The following SH3RF3 variants were observed in gnomAD, a reference collection of about 807,000 sequenced individuals.
SH3RF3 encodes SH3 domain containing ring finger 3, also known as E3 ubiquitin-protein ligase SH3RF3.
SH3RF3 carries 29 observed loss-of-function variants against 66.3 expected under a neutral mutation model. That is an observed-to-expected ratio of 0.44 (90% confidence interval 0.33 to 0.60). The LOEUF (loss-of-function observed/expected upper bound fraction) is 0.60, where lower values mean the gene tolerates loss of function less well. Ranked by LOEUF, SH3RF3 falls within the 20% of genes least tolerant of loss-of-function variation. SH3RF3 has a pLI of 0.04. For missense variants in SH3RF3, 1,194 were observed against 1,190.9 expected (o/e 1.00, Z -0.04); for synonymous variants, 583 against 532.0 (o/e 1.10, Z -1.32).
At chr2:109,491,103 A>C (rs749941301) in intron 9 of SH3RF3, among the ~76,000 whole-genome samples, 167 bp downstream of exon 9, 1 of 152,208 alleles carries the variant, frequency 6.6e-6, no homozygotes, top group Non-Finnish European at 1.5e-5. Context: ...TGAGTGCTGG[A>C]TGAAACGAGT....
intron 1 of SH3RF3, among the ~76,000 whole-genome samples, chr2:109,136,380 T>C (rs1343498444): frequency 1.3e-5 from 2 of 152,116 alleles, no homozygotes; most frequent in Non-Finnish European, 2.9e-5. Context: ...GGGTATCCTA[T>C]TGGAATTTTA....
chr2:109,138,120 A>G (rs559238609), intron 1 of SH3RF3, among the ~76,000 whole-genome samples: 2 of 152,284 alleles, frequency 1.3e-5, no homozygotes, highest in South Asian at 2.1e-4. Flanking sequence ...GGTTCAAGCT[A>G]TTCTTCTGCC....
intron 1 of SH3RF3, among the ~76,000 whole-genome samples, chr2:109,258,498 A>G (rs1680273227): frequency 1.3e-5 from 2 of 152,152 alleles, no homozygotes; most frequent in African/African-American, 4.8e-5. Flanking sequence ...CAATCCAATC[A>G]TGTAGGCTGG....
At chr2:109,171,773 G>A (rs1393884383) in intron 1 of SH3RF3, among the ~76,000 whole-genome samples, 6 of 152,250 alleles carry the variant, frequency 3.9e-5, no homozygotes, top group African/African-American at 1.4e-4. Context: ...TCCCTGCCGT[G>A]CATCCCGGCC....
chr2:109,374,536 G>A (rs1683340281), intron 3 of SH3RF3, among the ~76,000 whole-genome samples: 1 of 152,170 alleles, frequency 6.6e-6, no homozygotes, highest in Admixed American at 6.5e-5. Context: ...TGTTTGCAGG[G>A]TTCCTGAGAG....
chr2:109,490,003 G>A (rs1255220023), intron 8 of SH3RF3, among the ~76,000 whole-genome samples: 2 of 152,192 alleles, frequency 1.3e-5, no homozygotes, highest in Non-Finnish European at 2.9e-5. Context: ...CTCCCAAATT[G>A]CTGAGATTAC....
intron 1 of SH3RF3, among the ~76,000 whole-genome samples, chr2:109,245,610 G>C (rs1036139382): frequency 6.6e-6 from 1 of 152,144 alleles, no homozygotes; most frequent in Non-Finnish European, 1.5e-5. Flanking sequence ...ACAAATTTAA[G>C]TCTATATATA....
At chr2:109,263,688 C>T (rs1220339444) in intron 1 of SH3RF3, among the ~76,000 whole-genome samples, 4 of 152,128 alleles carry the variant, frequency 2.6e-5, no homozygotes, top group African/African-American at 7.2e-5. Context: ...AATGTGAGGC[C>T]GGGTGCGGTG....
intron 3 of SH3RF3, among the ~76,000 whole-genome samples, chr2:109,377,053 T>C (rs1405076289): frequency 6.6e-6 from 1 of 152,232 alleles, no homozygotes; most frequent in Non-Finnish European, 1.5e-5. Context: ...TTTGCTGCCT[T>C]TGGATTTGGC....
intron 8 of SH3RF3, among the ~76,000 whole-genome samples, chr2:109,461,785 T>G (rs1666912835): frequency 6.6e-6 from 1 of 152,246 alleles, no homozygotes; most frequent in South Asian, 2.1e-4. Flanking sequence ...TAGAGCATCT[T>G]TCACAGCAGC....
chr2:109,153,475 A>G (rs1677268017), intron 1 of SH3RF3, among the ~76,000 whole-genome samples: 1 of 152,228 alleles, frequency 6.6e-6, no homozygotes, highest in Non-Finnish European at 1.5e-5. Context: ...GACATGAAAT[A>G]ACTGAAACTT....
At chr2:109,215,797 A>G (rs1679091101) in intron 1 of SH3RF3, among the ~76,000 whole-genome samples, 1 of 151,988 alleles carries the variant, frequency 6.6e-6, no homozygotes, top group Admixed American at 6.6e-5. Context: ...ATGAGCTGGG[A>G]TTTGCCCTGT....
chr2:109,197,364 T>A (rs1433574689), intron 1 of SH3RF3, among the ~76,000 whole-genome samples: 1 of 152,214 alleles, frequency 6.6e-6, no homozygotes, highest in Non-Finnish European at 1.5e-5. Context: ...CAGACCCACT[T>A]GGACTTCAGT....
chr2:109,144,944 G>A (rs1216122232), intron 1 of SH3RF3, among the ~76,000 whole-genome samples: 7 of 152,342 alleles, frequency 4.6e-5, no homozygotes, highest in Non-Finnish European at 7.4e-5. Flanking sequence ...GGGTGAGCGC[G>A]TTCAGTGCCG....
intron 1 of SH3RF3, among the ~76,000 whole-genome samples, chr2:109,199,627 T>TCAACGCGA (rs1574499886): frequency 0.011 from 1 of 94 alleles, no homozygotes; most frequent in African/African-American, 0.036. Flanking sequence ...TGGAATGGAA[T>TCAACGCGA]GGAATGGAAT....
intron 1 of SH3RF3, among the ~76,000 whole-genome samples, chr2:109,270,225 G>A (rs1308967908): frequency 6.6e-6 from 1 of 152,194 alleles, no homozygotes; most frequent in East Asian, 1.9e-4. Context: ...GAAGATCTGG[G>A]GGGTGAGGAT....
intron 1 of SH3RF3, among the ~76,000 whole-genome samples, chr2:109,250,394 G>A (rs1040134798): frequency 2.6e-5 from 4 of 151,948 alleles, no homozygotes; most frequent in Non-Finnish European, 4.4e-5. Context: ...ATGTAAGCTT[G>A]TATTATATAC....
At position 109,449,481 on chromosome 2, in the gene SH3RF3, A is replaced by G; in HGVS notation, c.2140A>G (p.Ser714Gly). The G allele has an allele frequency of 6.2e-7, 1 of 1,613,880 alleles. No homozygotes were observed. The highest frequency in any genetic ancestry group is 8.5e-7 in the Non-Finnish European group (1 of 1,179,834). Residue 714 changes from serine to glycine, a missense_variant, in exon 8 of 10, where the codon AGT (serine) becomes GGT (glycine). By Grantham distance (56) the Ser-to-Gly change is moderately conservative. Transcript: ENST00000309415. ...GGGATGCAAACTAGACGAGAAGAAA[A>G]GTGAAAAGGTAAGAGGCCCATCCTG... ...NTGCKLDEKK[S>G]EKKEKKSGLL...
At chr2:109,405,408 C>T (rs1676427537) in intron 4 of SH3RF3, among the ~76,000 whole-genome samples, 1 of 152,164 alleles carries the variant, frequency 6.6e-6, no homozygotes, top group African/African-American at 2.4e-5. Flanking sequence ...TTGGAAGGTT[C>T]TGGGGAGCCT....
Sources: allele counts gnomAD v4.1 joint callset (sites outside exome capture counted in the v4.1 genomes callset), GRCh38; gene constraint gnomAD v4.1.1; transcripts MANE v1.5; gene names NCBI Gene and HGNC (gene_info 2026-07-23, HGNC 2026-07-21).